Variants in LTBP4 observed in about 807,000 individuals in gnomAD.
LTBP4 encodes latent transforming growth factor beta binding protein 4, also known as latent-transforming growth factor beta-binding protein 4.
A neutral mutation model predicts 180.2 loss-of-function variants in LTBP4; 93 were observed. The ratio of observed to expected loss-of-function variants is 0.52; its 90% CI spans 0.44 to 0.61. The LOEUF is 0.61. Among genes scored for constraint, LTBP4 ranks in the 20% least tolerant of loss-of-function variants. The pLI, the probability that LTBP4 is intolerant of heterozygous loss-of-function variation, is 0.00. For missense variants in LTBP4, 2,116 were observed against 2,256.5 expected, an observed-to-expected ratio of 0.94 and a Z score of 1.26; for synonymous variants, 947 against 934.5, an observed-to-expected ratio of 1.01 and a Z score of -0.24.
At position 40,613,338 on chromosome 19, in the gene LTBP4, G is replaced by T. The variant is rs1235487025; in HGVS notation, c.2432-66G>T. The T allele has an allele frequency of 7.7e-6, 12 of 1,565,934 alleles. No homozygotes were observed. Among genetic ancestry groups the T allele is most frequent in the Non-Finnish European group, 1.0e-5 (12 of 1,156,842 alleles). ...GCATTGGTGGGGGCGGGGTTACTGC[G>T]ATGTGGGCGGAGCTTGTCTGGGAGG... On this transcript the variant is annotated intron_variant, in intron 16 of 29. Coordinates refer to ENST00000396819, the MANE Select transcript of LTBP4 (RefSeq NM_001042545.2). The surrounding 1 kb of genome is among the most constrained non-coding windows in gnomAD (Gnocchi z 5.0).
At chr19:40,601,958 C>G (rs2081427141) in intron 1 of LTBP4, among the ~76,000 whole-genome samples, 2 of 151,546 alleles carry the variant, frequency 1.3e-5, no homozygotes, top group Non-Finnish European at 2.9e-5. Flanking sequence ...GAGGGGGGCT[C>G]GAATTCTGAG....
Position 40,624,005 on chromosome 19 carries a change from A to G in LTBP4, c.3755A>G (p.Tyr1252Cys), listed in dbSNP as rs758082743. ...CGCTGTGTCAACACTGTGGGCTCTT[A>G]TCACTGTACCTGCGAGCCCCCACTG... ...GGRCVNTVGS[Y>C]HCTCEPPLVL... is the part of the protein sequence containing the mutation. The change falls in exon 26 of 30, where the codon TAT becomes TGT. Residue 1252 changes from tyrosine (Y) to cysteine (C), a missense_variant. Physicochemically the swap from Tyr to Cys is radical, Grantham distance 194 (BLOSUM62 -2). Around this residue, in one of 5 missense-constraint regions of LTBP4, gnomAD observed 488 missense variants for 458.8 expected, o/e 1.06. Coordinates refer to ENST00000396819, the MANE Select transcript of LTBP4 (RefSeq NM_001042545.2). 1 of 1,612,624 alleles carries G rather than the reference A, an allele frequency of 6.2e-7. No individual in the cohort carries two copies. Among genetic ancestry groups the G allele is most frequent in the Non-Finnish European group, 8.5e-7 (1 of 1,179,354 alleles).
chr19:40,613,493 G>T lies in LTBP4; in HGVS notation c.2521G>T (p.Gly841Cys). 1 of 1,584,318 alleles carries T rather than the reference G, an allele frequency of 6.3e-7. No homozygotes were observed. ...CTCCTTTGCCTGTACTTGTGCCCCT[G>T]GCTACCGACCCGGACCCCGCGGAGC... ...DGSFACTCAP[G>C]YRPGPRGASC... The change falls in exon 17 of 30, where the codon GGC becomes TGC. Residue 841 changes from glycine to cysteine, a missense_variant. Transcript: ENST00000396819. The surrounding 1 kb of genome is among the most constrained non-coding windows in gnomAD (Gnocchi z 5.0).
At position 40,613,828 on chromosome 19, in the gene LTBP4, G is replaced by T; in HGVS notation, c.2558-88G>T. 6.3e-7 allele frequency: 1 copy of T among 1,580,706 alleles called. No homozygotes were observed. The highest frequency in any genetic ancestry group is 1.1e-5 in the South Asian group (1 of 88,796). ...GGTTGGGGAAGGCGTGAGAGGCCTA[G>T]GAGAGCCGAGGGGCGGTGGAGGGGT... On this transcript the variant is annotated intron_variant, in intron 17 of 29. Transcript: ENST00000396819. This position sits in a 1 kb window ranked among gnomAD's most constrained non-coding sequence, Gnocchi z 5.0.
rs1281868883 is a variant in LTBP4, at chr19:40,605,201, G to A, written c.417G>A (p.Leu139=). ...GLTRSVYTMP[L]ANHRDDEHGV... is the part of the protein sequence containing the mutation. ...CCCGCTCCGTGTACACTATGCCACT[G>A]GCCAACCACCGCGACGACGAGCACG... The change falls in exon 2 of 30, where the codon CTG becomes CTA. Residue 139 remains leucine, a synonymous_variant. Transcript: ENST00000396819. The surrounding 1 kb of genome is among the most constrained non-coding windows in gnomAD (Gnocchi z 5.5). The A allele has an allele frequency of 1.2e-6, 2 of 1,602,940 alleles. No homozygotes were observed. The highest frequency in any genetic ancestry group is 1.1e-5 in the South Asian group (1 of 89,774).
chr19:40,623,968 T>C lies in LTBP4; in HGVS notation c.3718T>C (p.Cys1240Arg). 6.2e-7 allele frequency: 1 copy of C among 1,613,892 alleles called. No individual in the cohort carries two copies. Among genetic ancestry groups the C allele is most frequent in the Non-Finnish European group, 8.5e-7 (1 of 1,179,836 alleles). Reference protein sequence around the residue: ...NDECADEEPACEGGRCVNTVG... With the variant: ...NDECADEEPAREGGRCVNTVG... The stretch of plus-strand genomic sequence containing the variant: ...CGAGTGCGCCGATGAGGAACCGGCC[T>C]GTGAGGGCGGCCGCTGTGTCAACAC... Residue 1240 changes from cysteine (C) to arginine (R), a missense_variant, in exon 26 of 30, where the codon TGT becomes CGT. Cys to Arg is a radical substitution (Grantham distance 180). Coordinates refer to ENST00000396819, the MANE Select transcript of LTBP4 (RefSeq NM_001042545.2).
chr19:40,613,150 C>T lies in LTBP4; in HGVS notation c.2385C>T (p.Cys795=), dbSNP rs1260266328. The T allele has an allele frequency of 5.6e-6, 9 of 1,592,936 alleles. No individual in the cohort carries two copies. The highest frequency in any genetic ancestry group is 6.8e-6 in the Non-Finnish European group (8 of 1,170,100). The change falls in exon 16 of 30, where the codon TGC becomes TGT. Residue 795 remains cysteine, a synonymous_variant. Transcript: ENST00000396819. This position sits in a 1 kb window ranked among gnomAD's most constrained non-coding sequence, Gnocchi z 5.0. ...TNTEGSFRCS[C]APGYRAPSGR... is the part of the protein sequence containing the mutation. ...CCGAAGGCTCCTTCCGCTGCAGCTGCGCGCCAGGCTACCGGGCGCCGTCGG... is the reference window on the plus strand; with the variant it reads ...CCGAAGGCTCCTTCCGCTGCAGCTGTGCGCCAGGCTACCGGGCGCCGTCGG...
chr19:40,599,724 C>A, upstream of LTBP4: 1 of 630,470 alleles, frequency 1.6e-6, no homozygotes. Flanking sequence ...CCTTGCCTGC[C>A]TATCTCAGGC....
At chr19:40,599,670 CTCTT>C, upstream of LTBP4, 4 of 1,052,236 alleles carry the variant, frequency 3.8e-6, no homozygotes, top group South Asian at 4.4e-5. Flanking sequence ...CCCTCCCCGG[CTCTT>C]TCTTTTGCTA....
rs1235119499 is a variant in LTBP4, at chr19:40,624,022, C to A, written c.3772C>A (p.Pro1258Thr). ...TVGSYHCTCE[P>T]PLVLDGSQRR... ...GGGCTCTTATCACTGTACCTGCGAGCCCCCACTGGTGCTGGATGGCTCGCA... is the reference window on the plus strand; with the variant it reads ...GGGCTCTTATCACTGTACCTGCGAGACCCCACTGGTGCTGGATGGCTCGCA... The change falls in exon 26 of 30, where the codon CCC (proline) becomes ACC (threonine). Residue 1258 changes from proline to threonine, a missense_variant. By Grantham distance (38) the Pro-to-Thr change is conservative. Transcript: ENST00000396819. The A allele has an allele frequency of 6.2e-7, 1 of 1,608,584 alleles. No individual in the cohort carries two copies. The highest frequency in any genetic ancestry group is 1.1e-5 in the South Asian group (1 of 90,446).
At chr19:40,619,124 C>A (rs1334208226) in intron 21 of LTBP4, among the ~76,000 whole-genome samples, 1 of 151,988 alleles carries the variant, frequency 6.6e-6, no homozygotes. Flanking sequence ...CTTGTGCCCA[C>A]CTCTCAGAGT....
upstream of LTBP4, chr19:40,599,593 C>G (rs368792022): frequency 1.0e-5 from 16 of 1,584,228 alleles, 1 homozygote; most frequent in African/African-American, 1.6e-4. Context: ...AATCCTCCCT[C>G]AGGAACTCCT....
chr19:40,625,675 C>T (rs2081628563), intron 26 of LTBP4, among the ~76,000 whole-genome samples, 182 bp from the exon 27 acceptor site: 1 of 152,164 alleles, frequency 6.6e-6, no homozygotes. Context: ...ATGACAGTCT[C>T]CTTGTTCCTC....
upstream of LTBP4, chr19:40,597,139 C>CCGGCGG: frequency 9.5e-7 from 1 of 1,047,524 alleles, no homozygotes; most frequent in Non-Finnish European, 1.2e-6. Context: ...GAGTCGGCCT[C>CCGGCGG]GGGCGGGGGC....
intron 1 of LTBP4, among the ~76,000 whole-genome samples, chr19:40,604,065 A>G (rs1306167662): frequency 2.0e-5 from 3 of 152,158 alleles, no homozygotes; most frequent in Non-Finnish European, 2.9e-5. Flanking sequence ...AGCCAGAAAG[A>G]AGTTGGGCGG....
chr19:40,607,785 C>T (rs775252084), intron 7 of LTBP4, among the ~76,000 whole-genome samples: 2 of 152,204 alleles, frequency 1.3e-5, no homozygotes, highest in Non-Finnish European at 2.9e-5. Flanking sequence ...GTCTCCTGAG[C>T]GTCAACGCCC....
chr19:40,594,344 T>A lies in LTBP4; in HGVS notation c.16+1163T>A, dbSNP rs562067587. On this transcript the variant is annotated intron_variant, in intron 1 of 32. Transcript: ENST00000204005. ...TTGAGATGAGTTAGGATTCAAGAGG[T>A]GACATAGACACGATCCTGGGAGATA... 4.0e-5 allele frequency among the ~76,000 whole-genome samples: 6 copies of A among 150,500 alleles called. No individual in the cohort carries two copies. The East Asian group carries it at 1.2e-3, about 29-fold the overall frequency.
At position 40,609,926 on chromosome 19, in the gene LTBP4, C is replaced by A. The variant is rs375120022; in HGVS notation, c.1684+55C>A. The A allele has an allele frequency of 8.8e-6, 13 of 1,477,582 alleles. No individual in the cohort carries two copies. Among genetic ancestry groups the A allele is most frequent in the Non-Finnish European group, 1.2e-5 (13 of 1,113,102 alleles). The allele number at this position is 1,477,582 out of a possible 1,614,324, so 91.5% of individuals were successfully genotyped here. A position where few individuals can be genotyped will look rare whatever the true frequency, so the allele number is the denominator to read the frequency against. ...CCCACCCCAGGGTCTCGCTCCTGCTCTCACTCCAGAGCCTCTCCAGCCCTC... is the reference window on the plus strand; with the variant it reads ...CCCACCCCAGGGTCTCGCTCCTGCTATCACTCCAGAGCCTCTCCAGCCCTC... On this transcript the variant is annotated intron_variant, in intron 11 of 29. Transcript: ENST00000396819. This position sits in a 1 kb window ranked among gnomAD's most constrained non-coding sequence, Gnocchi z 4.9.
chr19:40,616,996 C>T lies in LTBP4; in HGVS notation c.2920C>T (p.Pro974Ser), dbSNP rs1219276309. The T allele has an allele frequency of 1.9e-6, 3 of 1,613,668 alleles. No homozygotes were observed. Reference protein sequence around the residue: ...CTPACDPGYQPTPGGGCQDVD... With the variant: ...CTPACDPGYQSTPGGGCQDVD... ...ACCAGCCTGTGACCCTGGCTATCAG[C>T]CCACGCCAGGGGGCGGATGCCAGGG... Residue 974 changes from proline (P) to serine (S), a missense_variant, in exon 20 of 30, where the codon CCC becomes TCC. Transcript: ENST00000396819.
Sources: allele counts gnomAD v4.1 joint callset (sites outside exome capture counted in the v4.1 genomes callset), GRCh38; gene constraint gnomAD v4.1.1; regional missense constraint gnomAD v4.1.1; non-coding constraint Gnocchi (gnomAD v3.1); transcripts MANE v1.5; gene names NCBI Gene and HGNC (gene_info 2026-07-23, HGNC 2026-07-21).